Variants in ATP2C1 observed in about 807,000 individuals in gnomAD.
ATP2C1 encodes the protein ATPase secretory pathway Ca2+ transporting 1.
In ATP2C1, 31 loss-of-function variants were observed where a neutral mutation model predicts 120.5. The ratio of observed to expected loss-of-function variants is 0.26; its 90% CI spans 0.19 to 0.35. ATP2C1 has a LOEUF of 0.35. ATP2C1 is among the 10% of genes least tolerant of loss of function. The pLI, the probability that ATP2C1 is intolerant of heterozygous loss-of-function variation, is 1.00. For synonymous variants in ATP2C1, 351 were observed against 358.7 expected, an observed-to-expected ratio of 0.98 and a Z score of 0.24; for missense variants, 731 against 1,107.5, an observed-to-expected ratio of 0.66 and a Z score of 4.83.
chr3:130,993,122 G>GTT (rs368420892), intron 21 of ATP2C1, 121 bp downstream of exon 21: 1,725 of 613,132 alleles, frequency 2.8e-3, no homozygotes, highest in East Asian at 3.2e-3. Context: ...AAGCAAAACA[G>GTT]TTTTTTTTTT....
rs546822708 is a variant in ATP2C1 at position 130,998,862 on chromosome 3, G to A, written c.2487+473G>A. Among the ~76,000 whole-genome samples, 12 of 152,224 alleles carry A rather than the reference G, an allele frequency of 7.9e-5. No individual in the cohort carries two copies. In the South Asian group the frequency reaches 2.5e-3, roughly 32 times the overall value. On this transcript the variant is annotated intron_variant, in intron 26 of 27. Coordinates refer to ENST00000510168, the MANE Select transcript of ATP2C1 (RefSeq NM_001378687.1). ...TTCTTCCCTTGTTGTATCTTAAGGT[G>A]TGACTGCTGCTTCTTGGTCTAAGTG...
At chr3:130,891,622 T>C (rs535800715), upstream of ATP2C1, among the ~76,000 whole-genome samples, 29 of 152,326 alleles carry the variant, frequency 1.9e-4, no homozygotes, top group Admixed American at 1.2e-3. Flanking sequence ...ATCAATCCCA[T>C]TGTAGCTAGC....
At position 130,941,608 on chromosome 3, in the gene ATP2C1, T is replaced by G. The variant is rs1266076593; in HGVS notation, c.440T>G (p.Leu147Trp). The G allele has an allele frequency of 6.2e-7, 1 of 1,614,062 alleles. No individual in the cohort carries two copies. Among genetic ancestry groups the G allele is most frequent in the Non-Finnish European group, 8.5e-7 (1 of 1,180,000 alleles). Residue 147 changes from leucine (L) to tryptophan (W), a missense_variant, in exon 8 of 28, where the codon TTG (leucine) becomes TGG (tryptophan). Physicochemically the swap from Leu to Trp is moderately conservative, Grantham distance 61. This residue lies in a region of ATP2C1 where 571 missense variants were observed against 845.9 expected (regional missense o/e 0.67). Transcript: ENST00000510168. ...PECHCVREGK[L>W]EHTLARDLVP... ...TGTTACAGTGTGCGTGAAGGAAAATTGGAGCATACACTTGCCCGAGACTTG... is the reference window on the plus strand; with the variant it reads ...TGTTACAGTGTGCGTGAAGGAAAATGGGAGCATACACTTGCCCGAGACTTG...
downstream of ATP2C1, among the ~76,000 whole-genome samples, chr3:131,006,647 G>A (rs1042649025): frequency 7.0e-6 from 1 of 143,250 alleles, no homozygotes; most frequent in Non-Finnish European, 1.6e-5. Context: ...GTGTGTGTGT[G>A]TGTGTGTGTG....
At position 130,923,289 on chromosome 3, in the gene ATP2C1, C is replaced by T. The variant is rs540669377; in HGVS notation, c.7-7127C>T. Among the ~76,000 whole-genome samples the T allele has an allele frequency of 3.3e-5, 5 of 151,634 alleles. No homozygotes were observed. The East Asian group carries it at 7.8e-4, about 24-fold the overall frequency. The stretch of plus-strand genomic sequence containing the variant: ...TTACCCAGGCTGGAGTGTAGTGGTG[C>T]GACCTTGGCACACTGCAACCTCTGC... On this transcript the variant is annotated intron_variant, in intron 2 of 27. Coordinates refer to ENST00000510168, the MANE Select transcript of ATP2C1 (RefSeq NM_001378687.1).
At chr3:130,985,658 CA>C (rs199690345) in intron 20 of ATP2C1, among the ~76,000 whole-genome samples, 20 of 132,004 alleles carry the variant, frequency 1.5e-4, no homozygotes, top group Middle Eastern at 3.7e-3. Context: ...CCCGCCCCAC[CA>C]AAAAAAAAAA....
intron 1 of ATP2C1, among the ~76,000 whole-genome samples, chr3:130,884,349 T>C (rs2068892370): frequency 6.6e-6 from 1 of 152,234 alleles, no homozygotes; most frequent in African/African-American, 2.4e-5. Flanking sequence ...CTAGTTTTAT[T>C]CCATTGTGGT....
chr3:131,002,914 C>T lies in ATP2C1; in HGVS notation c.*1564C>T, dbSNP rs886057993. 14 of 985,614 alleles carry T rather than the reference C, an allele frequency of 1.4e-5. 1 individual carries two copies. Among genetic ancestry groups the T allele is most frequent in the South Asian group, 9.4e-5 (2 of 21,280 alleles). 61.1% of individuals were successfully genotyped at this position (985,614 alleles called of 1,614,324 possible). A position where few individuals can be genotyped will look rare whatever the true frequency, so the allele number is the denominator to read the frequency against. The stretch of plus-strand genomic sequence containing the variant: ...TTGTCAAATGTACATTGTTCCATGT[C>T]GTTAGATGGAACATGGAAGCCATTG... On this transcript the variant is annotated 3_prime_UTR_variant, in exon 28 of 28. Transcript: ENST00000510168.
downstream of ATP2C1, among the ~76,000 whole-genome samples, chr3:131,004,060 T>C (rs956085424): frequency 1.3e-5 from 2 of 152,322 alleles, no homozygotes; most frequent in South Asian, 4.1e-4. Context: ...ATCCCTGCCC[T>C]GTAGGAGCCC....
chr3:130,973,678 A>G (rs1055196663), intron 17 of ATP2C1, among the ~76,000 whole-genome samples: 1 of 152,176 alleles, frequency 6.6e-6, no homozygotes, highest in African/African-American at 2.4e-5. Context: ...GGAATTTTCT[A>G]TTTAATATTT....
At chr3:130,930,585 A>T (rs2108346917) in intron 3 of ATP2C1, 59 bp downstream of exon 3, 1 of 1,058,666 alleles carries the variant, frequency 9.4e-7, no homozygotes, top group Non-Finnish European at 1.5e-6. Context: ...CTTAGACTCT[A>T]TAAAACAGTG....
At position 131,002,868 on chromosome 3, in the gene ATP2C1, A is replaced by G. The variant is rs1043304064; in HGVS notation, c.*1518A>G. 1.0e-5 allele frequency: 10 copies of G among 985,824 alleles called. No individual in the cohort carries two copies. The highest frequency in any genetic ancestry group is 1.2e-5 in the Non-Finnish European group (10 of 829,908). The allele number at this position is 985,824 out of a possible 1,614,324, so 61.1% of individuals were successfully genotyped here. On this transcript the variant is annotated 3_prime_UTR_variant, in exon 28 of 28. Coordinates refer to ENST00000510168, the MANE Select transcript of ATP2C1 (RefSeq NM_001378687.1). ...TAAGGAGCTGGCTGCAGTTTATTCT[A>G]CTTAACCCTTTAAGGCTGAATTGTC...
intron 20 of ATP2C1, among the ~76,000 whole-genome samples, chr3:130,982,213 C>T (rs534798450): frequency 4.2e-4 from 64 of 152,198 alleles, no homozygotes; most frequent in South Asian, 6.2e-4. Flanking sequence ...TAATGGGTTA[C>T]GGTTTATTTT....
chr3:130,871,891 G>A (rs576007265), intron 1 of ATP2C1, among the ~76,000 whole-genome samples: 6 of 152,142 alleles, frequency 3.9e-5, no homozygotes, highest in East Asian at 1.9e-4. Context: ...GCGTGCTGGC[G>A]CGTGCCTATA....
chr3:130,994,691 G>T (rs1373537713), intron 22 of ATP2C1, among the ~76,000 whole-genome samples: 1 of 152,084 alleles, frequency 6.6e-6, no homozygotes, highest in East Asian at 1.9e-4. Context: ...CCTGTTGGAT[G>T]ACCTGAGTTT....
At chr3:130,949,606 A>T (rs1010813048) in intron 8 of ATP2C1, among the ~76,000 whole-genome samples, 1 of 152,118 alleles carries the variant, frequency 6.6e-6, no homozygotes, top group Non-Finnish European at 1.5e-5. Context: ...AACATTTTCA[A>T]TGTAGATGAA....
At chr3:130,994,323 G>A (rs977720330) in intron 22 of ATP2C1, among the ~76,000 whole-genome samples, 2 of 152,174 alleles carry the variant, frequency 1.3e-5, no homozygotes, top group Admixed American at 1.3e-4. Flanking sequence ...TATTTGCCAA[G>A]TGCCAGCCAC....
chr3:131,001,205 T>A lies in ATP2C1; in HGVS notation c.2630-15T>A. The A allele has an allele frequency of 6.2e-7, 1 of 1,610,946 alleles. No individual in the cohort carries two copies. Among genetic ancestry groups the A allele is most frequent in the Non-Finnish European group, 8.5e-7 (1 of 1,177,882 alleles). The stretch of plus-strand genomic sequence containing the variant: ...TTTCAAAGAAATGTAAAACCCAACT[T>A]ATTTTCTCTTGCAGATCTGTTGTTT... On this transcript the variant is annotated splice_polypyrimidine_tract_variant and intron_variant, in intron 27 of 27. Transcript: ENST00000510168.
chr3:130,997,216 G>A (rs918155459), intron 24 of ATP2C1, among the ~76,000 whole-genome samples: 1 of 152,074 alleles, frequency 6.6e-6, no homozygotes, highest in Non-Finnish European at 1.5e-5. Context: ...TAATAATGGG[G>A]TAGTTGAGTG....
Sources: gnomAD v4.1 joint callset for allele counts (sites outside exome capture counted in the v4.1 genomes callset) on GRCh38, gnomAD v4.1.1 for gene constraint, gnomAD v4.1.1 regional missense constraint, MANE v1.5 for transcripts, NCBI Gene and HGNC (gene_info 2026-07-23, HGNC 2026-07-21) for gene names.